Variants in FTO observed in about 807,000 individuals in gnomAD.
The protein encoded by FTO is alpha-ketoglutarate-dependent dioxygenase FTO.
A neutral mutation model predicts 63.9 loss-of-function variants in FTO; 47 were observed. That is an observed-to-expected ratio of 0.74 (90% confidence interval 0.58 to 0.94). The LOEUF (loss-of-function observed/expected upper bound fraction) is 0.94. Ranked by LOEUF, FTO falls within the 40% of genes least tolerant of loss-of-function variation. FTO has a pLI of 0.00. For missense variants in FTO, 562 were observed against 618.1 expected, an observed-to-expected ratio of 0.91 and a Z score of 0.96; for synonymous variants, 207 against 224.4, an observed-to-expected ratio of 0.92 and a Z score of 0.69.
rs956096182 is a variant in FTO, at chr16:53,869,374, G to GT, written c.896-4405dup. 1.1e-4 allele frequency among the ~76,000 whole-genome samples: 16 copies of GT among 151,838 alleles called. No individual in the cohort carries two copies. The South Asian group carries it at 2.3e-3, about 22-fold the overall frequency. Reference sequence around the variant, plus strand: ...TTGAATATAATATGCCTAAGTGTAGGTTTTTTTCCTGAGCTTCCCGAGTCT... The same window carrying GT: ...TTGAATATAATATGCCTAAGTGTAGGTTTTTTTTCCTGAGCTTCCCGAGTCT... On this transcript the variant is annotated intron_variant, in intron 4 of 8. Transcript: ENST00000471389.
At chr16:53,734,419 C>T (rs148909739) in intron 1 of FTO, among the ~76,000 whole-genome samples, 235 of 152,282 alleles carry the variant, frequency 1.5e-3, no homozygotes, top group African/African-American at 5.2e-3. Flanking sequence ...GTTTCAAAAA[C>T]GATAGTTCTC....
chr16:54,036,908 A>G (rs2084952287), intron 8 of FTO, among the ~76,000 whole-genome samples: 1 of 152,206 alleles, frequency 6.6e-6, no homozygotes, highest in Admixed American at 6.5e-5. Context: ...GTACGGATAC[A>G]GGATAGCTCA....
chr16:54,091,717 T>C (rs2086387669), intron 8 of FTO, among the ~76,000 whole-genome samples: 1 of 152,212 alleles, frequency 6.6e-6, no homozygotes, highest in Non-Finnish European at 1.5e-5. Context: ...GTTTCCATCA[T>C]ATTATAGGGG....
At chr16:53,733,128 A>G (rs1365765713) in intron 1 of FTO, among the ~76,000 whole-genome samples, 1 of 152,206 alleles carries the variant, frequency 6.6e-6, no homozygotes, top group Admixed American at 6.5e-5. Flanking sequence ...GGCCAGGCAC[A>G]GTGGCTCACG....
intron 7 of FTO, among the ~76,000 whole-genome samples, chr16:53,897,846 A>G (rs1020041308): frequency 2.0e-5 from 3 of 152,164 alleles, no homozygotes; most frequent in African/African-American, 7.2e-5. Flanking sequence ...ACAGTTCAGT[A>G]ATTTGAACTG....
At chr16:53,773,563 C>CGTTA (rs1567974332) in intron 1 of FTO, among the ~76,000 whole-genome samples, 1 of 152,104 alleles carries the variant, frequency 6.6e-6, no homozygotes. Flanking sequence ...GAATTTCTCA[C>CGTTA]TAACAGGGGT....
chr16:53,884,868 C>CT (rs1344512132), intron 6 of FTO, among the ~76,000 whole-genome samples: 1 of 152,196 alleles, frequency 6.6e-6, no homozygotes, highest in Admixed American at 6.5e-5. Context: ...ACCCTGAGAG[C>CT]TCCTGCAGGT....
chr16:53,760,985 C>T (rs1034376256), intron 1 of FTO, among the ~76,000 whole-genome samples: 1 of 139,370 alleles, frequency 7.2e-6, no homozygotes, highest in Non-Finnish European at 1.5e-5. Flanking sequence ...ATTGTTGTCT[C>T]CTTTTCTTTT....
At position 53,883,669 on chromosome 16, in the gene FTO, A is replaced by AAGTG. The variant is rs2151897964; in HGVS notation, c.1119+3684_1119+3687dup. On this transcript the variant is annotated intron_variant, in intron 6 of 8. Transcript: ENST00000471389. ...AAAAAACAAATTTGTCTGCTTCAGA[A>AAGTG]AGTGACTGGCTGCTTTTGATATTAT... Among the ~76,000 whole-genome samples, 4 of 151,314 alleles carry AAGTG rather than the reference A, an allele frequency of 2.6e-5. No individual in the cohort carries two copies. In the South Asian group the frequency reaches 8.3e-4, roughly 32 times the overall value.
At chr16:53,861,626 G>T (rs2080176121) in intron 4 of FTO, among the ~76,000 whole-genome samples, 1 of 152,012 alleles carries the variant, frequency 6.6e-6, no homozygotes, top group Non-Finnish European at 1.5e-5. Context: ...TTTGTATTTA[G>T]ATTTTTAATA....
chr16:53,922,694 C>T (rs1185864821), intron 7 of FTO, among the ~76,000 whole-genome samples: 3 of 152,238 alleles, frequency 2.0e-5, no homozygotes, highest in South Asian at 4.1e-4. Context: ...AGCTAATAGA[C>T]TGCAAGTTGG....
At chr16:54,041,617 C>G (rs2085077111) in intron 8 of FTO, among the ~76,000 whole-genome samples, 1 of 152,128 alleles carries the variant, frequency 6.6e-6, no homozygotes, top group African/African-American at 2.4e-5. Context: ...AGTATCCTTT[C>G]TGGCTGCCCT....
chr16:53,797,388 C>T (rs1000036692), intron 1 of FTO, among the ~76,000 whole-genome samples: 18 of 152,192 alleles, frequency 1.2e-4, no homozygotes, highest in African/African-American at 4.3e-4. Flanking sequence ...CCTAAAGATT[C>T]TCTGCACTGT....
intron 8 of FTO, among the ~76,000 whole-genome samples, chr16:54,049,378 G>T (rs887841507): frequency 3.9e-5 from 6 of 152,186 alleles, no homozygotes; most frequent in Admixed American, 6.5e-5. Flanking sequence ...GTTTATGCCG[G>T]TAGCACATGC....
intron 1 of FTO, among the ~76,000 whole-genome samples, chr16:53,733,099 T>C (rs2076310561): frequency 6.6e-6 from 1 of 152,204 alleles, no homozygotes; most frequent in Non-Finnish European, 1.5e-5. Context: ...CTTGGCTGAC[T>C]TTTCTAAAGA....
At chr16:53,722,969 A>G (rs932622383) in intron 1 of FTO, among the ~76,000 whole-genome samples, 8 of 152,222 alleles carry the variant, frequency 5.3e-5, no homozygotes, top group Non-Finnish European at 8.8e-5. Flanking sequence ...TGTCTGAACC[A>G]CCTATGTGTC....
At chr16:54,016,928 A>G (rs7191750) in intron 8 of FTO, among the ~76,000 whole-genome samples, 1,952 of 152,290 alleles carry the variant, frequency 0.013, 45 homozygotes, top group African/African-American at 0.044. Flanking sequence ...AGAGATTTAT[A>G]TATTTAAAAA....
At chr16:53,916,216 AG>A (rs2151948491) in intron 7 of FTO, among the ~76,000 whole-genome samples, 1 of 152,308 alleles carries the variant, frequency 6.6e-6, no homozygotes, top group Admixed American at 6.5e-5. Flanking sequence ...TGGACCTCAG[AG>A]TGCCCTACCT....
intron 1 of FTO, among the ~76,000 whole-genome samples, chr16:53,809,289 G>A (rs1238847799): frequency 1.3e-5 from 2 of 152,168 alleles, no homozygotes; most frequent in African/African-American, 4.8e-5. Context: ...TTATTGTAGA[G>A]ATGATAGATC....
Sources: allele counts gnomAD v4.1 joint callset (sites outside exome capture counted in the v4.1 genomes callset), GRCh38; gene constraint gnomAD v4.1.1; transcripts MANE v1.5; gene names NCBI Gene and HGNC (gene_info 2026-07-23, HGNC 2026-07-21).